The following NECAB3 variants were observed in gnomAD, a reference collection of about 807,000 sequenced individuals.
NECAB3 encodes the protein N-terminal EF-hand calcium binding protein 3, also known as N-terminal EF-hand calcium-binding protein 3.
Under a neutral mutation model 57.2 loss-of-function variants are expected in NECAB3, and 38 were observed. The observed-to-expected ratio is 0.66, with a 90% CI of 0.51 to 0.87. The LOEUF (loss-of-function observed/expected upper bound fraction) is 0.87. Among genes scored for constraint, NECAB3 ranks in the 40% least tolerant of loss-of-function variants. The probability of loss-of-function intolerance (pLI) is 0.00; values close to 1 mark genes in which losing one functional copy is unlikely to be tolerated. For missense variants in NECAB3, 474 were observed against 527.5 expected, an observed-to-expected ratio of 0.90 and a Z score of 0.99; for synonymous variants, 223 against 222.6, an observed-to-expected ratio of 1.00 and a Z score of -0.02.
At chr20:33,667,958 C>G (rs745795580) in intron 5 of NECAB3, 3 of 1,551,760 alleles carry the variant, frequency 1.9e-6, no homozygotes, top group Non-Finnish European at 2.6e-6. Context: ...ATGCCCAAAA[C>G]GCTGCGGACA....
chr20:33,662,841 G>A (rs1403478614), intron 5 of NECAB3: 1 of 226,082 alleles, frequency 4.4e-6, no homozygotes, highest in African/African-American at 2.3e-5. Flanking sequence ...AGAAGACTGA[G>A]GTGGACTACG....
chr20:33,668,445 C>G (rs542844371), intron 5 of NECAB3: 1 of 594,364 alleles, frequency 1.7e-6, no homozygotes, highest in Non-Finnish European at 2.7e-6. Flanking sequence ...ACTGCCAGTT[C>G]AGAGAATGCC....
intron 3 of NECAB3, among the ~76,000 whole-genome samples, chr20:33,670,049 A>T (rs2017795738): frequency 6.6e-6 from 1 of 152,152 alleles, no homozygotes; most frequent in African/African-American, 2.4e-5. Context: ...AAGTCCAGGG[A>T]CGGCATGGGG....
chr20:33,665,522 C>T (rs1467349116), intron 5 of NECAB3: 1 of 152,278 alleles, frequency 6.6e-6, no homozygotes, highest in African/African-American at 2.4e-5. Flanking sequence ...CACAGCCCCG[C>T]AGTCAGATTC....
At chr20:33,664,637 C>CA (rs1426552961) in intron 5 of NECAB3, 1 of 152,462 alleles carries the variant, frequency 6.6e-6, no homozygotes, top group Non-Finnish European at 1.5e-5. Context: ...GCTTCAGTCT[C>CA]ACTCCCCAAA....
Position 33,658,719 on chromosome 20 carries a change from C to T in NECAB3, c.992+3G>A. ...CCATCCCACCTGCCAGCTGGGGACTCACTGCAGACAATGGCTCTGGGCCCC... is the reference window on the plus strand; with the variant it reads ...CCATCCCACCTGCCAGCTGGGGACTTACTGCAGACAATGGCTCTGGGCCCC... On this transcript the variant is annotated splice_donor_region_variant and intron_variant, in intron 9 of 11. Coordinates refer to ENST00000246190, the MANE Select transcript of NECAB3 (RefSeq NM_031232.4). 6.2e-7 allele frequency: 1 copy of T among 1,613,406 alleles called. No homozygotes were observed. The highest frequency in any genetic ancestry group is 2.2e-5 in the East Asian group (1 of 44,860).
rs1390901045 is a variant in NECAB3, at chr20:33,657,732, G to A, written c.*97C>T. ...CTTCCACCAGGCCCAAGTCCAGGAG[G>A]AGACAAGTCCTGGTCTTTGCGCTGG... On this transcript the variant is annotated 3_prime_UTR_variant, in exon 12 of 12. Transcript: ENST00000246190. The A allele has an allele frequency of 7.6e-7, 1 of 1,309,762 alleles. No individual in the cohort carries two copies. The highest frequency in any genetic ancestry group is 1.0e-6 in the Non-Finnish European group (1 of 976,098). 81.1% of individuals were successfully genotyped at this position (1,309,762 alleles called of 1,614,324 possible).
rs1422656172 is a variant in NECAB3 at position 33,659,645 on chromosome 20, G to A, written c.731C>T (p.Ala244Val). The A allele has an allele frequency of 4.3e-6, 7 of 1,610,918 alleles. No individual in the cohort carries two copies. Among genetic ancestry groups the A allele is most frequent in the South Asian group, 1.1e-5 (1 of 90,856 alleles). Residue 244 changes from alanine to valine, a missense_variant, in exon 8 of 12, where the codon GCC becomes GTC. Ala to Val is a moderately conservative substitution (Grantham distance 64). Coordinates refer to ENST00000246190, the MANE Select transcript of NECAB3 (RefSeq NM_031232.4). ...TCCCTTGTGGGGCCCTGGCCCCACG[G>A]CCCTCACCTTGCACTCGAGCTGGTC... ...LIDQLECKVR[A>V]VGPGPHKGGP... is the part of the protein sequence containing the mutation.
At chr20:33,661,117 A>G (rs1226671345) in intron 5 of NECAB3, among the ~76,000 whole-genome samples, 1 of 152,218 alleles carries the variant, frequency 6.6e-6, no homozygotes, top group African/African-American at 2.4e-5. Context: ...AACTCAGCAC[A>G]TGGAGCTGCA....
intron 9 of NECAB3, 56 bp from the exon 10 acceptor site, chr20:33,658,610 C>G: frequency 6.2e-7 from 1 of 1,608,812 alleles, no homozygotes; most frequent in Non-Finnish European, 8.5e-7. Context: ...CCTCTGCCTC[C>G]CCGGCCTGGG....
chr20:33,661,044 G>T (rs186859470), intron 5 of NECAB3, among the ~76,000 whole-genome samples: 1 of 152,168 alleles, frequency 6.6e-6, no homozygotes, highest in Non-Finnish European at 1.5e-5. Flanking sequence ...GGATTCTGAG[G>T]CTCCTCAACA....
chr20:33,663,550 C>G (rs746108951), intron 5 of NECAB3: 5 of 1,610,856 alleles, frequency 3.1e-6, no homozygotes, highest in Non-Finnish European at 4.2e-6. Flanking sequence ...CGTGCTGATT[C>G]TCCCCCTGGA....
intron 1 of NECAB3, 111 bp downstream of exon 1, chr20:33,674,113 A>C: frequency 9.0e-7 from 1 of 1,110,600 alleles, no homozygotes; most frequent in Non-Finnish European, 1.1e-6. Context: ...GCAGGGCCAG[A>C]GAGAGGGGAA....
intron 3 of NECAB3, 144 bp downstream of exon 3, chr20:33,670,540 G>T: frequency 1.8e-6 from 1 of 565,992 alleles, no homozygotes; most frequent in South Asian, 2.3e-5. Flanking sequence ...GGGTAGGCAG[G>T]CGGGTAAAGT....
chr20:33,670,652 C>G (rs1468162762), intron 3 of NECAB3, 32 bp downstream of exon 3: 1 of 1,505,148 alleles, frequency 6.6e-7, no homozygotes, highest in Non-Finnish European at 9.2e-7. Context: ...AACCTGGCCT[C>G]GCATCTACCC....
chr20:33,670,784 T>C lies in NECAB3; in HGVS notation c.163A>G (p.Lys55Glu), dbSNP rs779153186. Reference protein sequence around the residue: ...FRRADKNDDGKLSFEEFQNYF... With the variant: ...FRRADKNDDGELSFEEFQNYF... ...TTCTGGAATTCCTCAAATGAGAGCT[T>C]CCCATCATCTGGGGTGGCAGGGGGA... Residue 55 changes from lysine (K) to glutamate (E), a missense_variant, in exon 3 of 12, where the codon AAG (lysine) becomes GAG (glutamate). By Grantham distance (56) the Lys-to-Glu change is moderately conservative (BLOSUM62 1). Coordinates refer to ENST00000246190, the MANE Select transcript of NECAB3 (RefSeq NM_031232.4). 2 of 1,613,426 alleles carry C rather than the reference T, an allele frequency of 1.2e-6. No homozygotes were observed. The highest frequency in any genetic ancestry group is 4.5e-5 in the East Asian group (2 of 44,870).
rs775692861 is a variant in NECAB3, at chr20:33,659,473, C to T, written c.879+24G>A. ...GCACCCCCAGACACGGCCATCCAGCCGCTTGCCCCTCTCCTGGGCTCACCA... is the reference window on the plus strand; with the variant it reads ...GCACCCCCAGACACGGCCATCCAGCTGCTTGCCCCTCTCCTGGGCTCACCA... On this transcript the variant is annotated intron_variant, in intron 8 of 11. Transcript: ENST00000246190. The T allele has an allele frequency of 2.1e-4, 302 of 1,444,786 alleles. 1 individual carries two copies. The Middle Eastern group carries it at 3.5e-3, about 17-fold the overall frequency. The allele number at this position is 1,444,786 out of a possible 1,614,324, so 89.5% of individuals were successfully genotyped here.
intron 5 of NECAB3, chr20:33,668,268 T>C (rs763871179): frequency 6.5e-7 from 1 of 1,546,474 alleles, no homozygotes; most frequent in South Asian, 1.2e-5. Context: ...GGCACTGCGT[T>C]GGGGGACAGC....
Position 33,674,214 on chromosome 20 carries a change from G to A in NECAB3, c.129+10C>T. ...GGGAGACACCGCGAGCAGAGCCCGC[G>A]CCCACTCACGTCCTGGAAGAGCGTG... On this transcript the variant is annotated intron_variant, in intron 1 of 11. Transcript: ENST00000246190. 3.2e-6 allele frequency: 4 copies of A among 1,256,112 alleles called. No individual in the cohort carries two copies. The highest frequency in any genetic ancestry group is 1.5e-5 in the African/African-American group (1 of 65,218). 77.8% of individuals were successfully genotyped at this position (1,256,112 alleles called of 1,614,324 possible).
Sources: allele counts gnomAD v4.1 joint callset (sites outside exome capture counted in the v4.1 genomes callset), GRCh38; gene constraint gnomAD v4.1.1; transcripts MANE v1.5; gene names NCBI Gene and HGNC (gene_info 2026-07-23, HGNC 2026-07-21).